The following NOS1 variants were observed in gnomAD, a reference collection of about 807,000 sequenced individuals.
NOS1 encodes nitric oxide synthase 1, also known as NOS type I.
A neutral mutation model predicts 164.5 loss-of-function variants in NOS1; 51 were observed. The observed-to-expected ratio is 0.31, with a 90% CI of 0.25 to 0.39. The LOEUF is 0.39. NOS1 is among the 10% of genes least tolerant of loss of function. NOS1 has a pLI of 1.00. For missense variants in NOS1, 1,362 were observed against 1,885.6 expected (o/e 0.72, Z 5.14); for synonymous variants, 719 against 745.8 (o/e 0.96, Z 0.59).
chr12:117,231,901 C>A lies in NOS1; in HGVS notation c.3405+61G>T, dbSNP rs1869264126. The A allele has an allele frequency of 5.3e-6, 8 of 1,516,910 alleles. No homozygotes were observed. The Admixed American group carries it at 1.6e-4, about 30-fold the overall frequency. 94.0% of individuals were successfully genotyped at this position (1,516,910 alleles called of 1,614,324 possible). A position where few individuals can be genotyped will look rare whatever the true frequency, so the allele number is the denominator to read the frequency against. ...GAAGCCTGGTAATAACAGTTTTCAA[C>A]TCTTTAATGACGAGGAGGTGAAATG... On this transcript the variant is annotated intron_variant, in intron 22 of 28. Transcript: ENST00000317775.
chr12:117,247,435 T>C lies in NOS1; in HGVS notation c.2736A>G (p.Gly912=). 6.2e-7 allele frequency: 1 copy of C among 1,612,964 alleles called. No individual in the cohort carries two copies. The highest frequency in any genetic ancestry group is 1.1e-5 in the South Asian group (1 of 90,810). Residue 912 remains glycine, a synonymous_variant, in exon 18 of 29, where the codon GGA becomes GGG. Transcript: ENST00000317775. ...HAVDTLLEEL[G]GERILKMREG... ...CCCTCATCTTCAGGATCCTCTCCCC[T>C]CCCAGTTCTTCCAGGAGGGTGTCCA...
At chr12:117,244,131 A>T (rs1870430220) in intron 18 of NOS1, among the ~76,000 whole-genome samples, 1 of 152,190 alleles carries the variant, frequency 6.6e-6, no homozygotes, top group Non-Finnish European at 1.5e-5. Context: ...TTTAAGAATT[A>T]CATAAAGGCA....
intron 1 of NOS1, among the ~76,000 whole-genome samples, chr12:117,334,695 G>A (rs905701482): frequency 7.2e-5 from 11 of 152,002 alleles, no homozygotes; most frequent in African/African-American, 2.4e-4. Context: ...GCACCTGGCC[G>A]TCAATCATTA....
intron 17 of NOS1, among the ~76,000 whole-genome samples, chr12:117,247,968 A>G (rs1232727031): frequency 6.6e-6 from 1 of 150,796 alleles, no homozygotes; most frequent in African/African-American, 2.4e-5. Flanking sequence ...AAAGAAAAGA[A>G]AAAGAAAAGG....
chr12:117,337,417 C>T (rs914175192), intron 1 of NOS1, among the ~76,000 whole-genome samples: 19 of 151,912 alleles, frequency 1.3e-4, no homozygotes, highest in African/African-American at 4.6e-4. Flanking sequence ...TGCCCGGCCG[C>T]GCTTTTTACT....
intron 25 of NOS1, 127 bp from the exon 26 acceptor site, chr12:117,222,990 G>T: frequency 9.3e-7 from 1 of 1,078,034 alleles, no homozygotes; most frequent in Non-Finnish European, 1.4e-6. Context: ...CAAACACTAG[G>T]ACAGGCAGAT....
chr12:117,214,142 C>G lies in NOS1; in HGVS notation c.*1167G>C. 1.0e-6 allele frequency: 1 copy of G among 985,438 alleles called. No homozygotes were observed. Among genetic ancestry groups the G allele is most frequent in the Non-Finnish European group, 1.2e-6 (1 of 829,934 alleles). 61.0% of individuals were successfully genotyped at this position (985,438 alleles called of 1,614,324 possible). ...CTCTTTCCAACCTCATCCACTTTAA[C>G]CAGCTTCCATTATTTCATCCCCAAG... On this transcript the variant is annotated 3_prime_UTR_variant, in exon 29 of 29. Transcript: ENST00000317775.
chr12:117,247,550 G>A (rs549729995), intron 17 of NOS1, 28 bp from the exon 18 acceptor site: 5 of 1,587,056 alleles, frequency 3.2e-6, no homozygotes, highest in African/African-American at 2.7e-5. Context: ...GAATGTTCAT[G>A]CTAAGGGACT....
chr12:117,241,493 C>T (rs1870176866), intron 20 of NOS1, among the ~76,000 whole-genome samples: 2 of 151,340 alleles, frequency 1.3e-5, no homozygotes, highest in South Asian at 4.2e-4. Context: ...TTGTGGGTGG[C>T]ACCTGGGAGC....
intron 9 of NOS1, among the ~76,000 whole-genome samples, chr12:117,275,728 G>A (rs1193276903): frequency 6.6e-6 from 1 of 152,092 alleles, no homozygotes; most frequent in Non-Finnish European, 1.5e-5. Context: ...TACATTATAT[G>A]TATTAAAACA....
chr12:117,293,717 TTATTATTACTTA>T (rs1389083132), intron 3 of NOS1, among the ~76,000 whole-genome samples: 4 of 151,514 alleles, frequency 2.6e-5, no homozygotes, highest in Non-Finnish European at 4.4e-5. Flanking sequence ...ATTACTTGTA[TTATTATTACTTA>T]TATTATTACT....
At chr12:117,285,975 T>G in intron 6 of NOS1, 129 bp downstream of exon 6, 1 of 970,724 alleles carries the variant, frequency 1.0e-6, no homozygotes, top group South Asian at 1.7e-5. Context: ...CCCGTGACCA[T>G]CATCTGATAG....
chr12:117,332,159 G>A (rs1375381427), intron 1 of NOS1, among the ~76,000 whole-genome samples: 1 of 152,202 alleles, frequency 6.6e-6, no homozygotes, highest in Non-Finnish European at 1.5e-5. Context: ...TGGAGAAGGG[G>A]AAACATAGGA....
chr12:117,312,095 A>G (rs1191750227), intron 2 of NOS1, among the ~76,000 whole-genome samples: 1 of 152,228 alleles, frequency 6.6e-6, no homozygotes, highest in Admixed American at 6.5e-5. Flanking sequence ...TTTGAACAAT[A>G]GCAGCTCAGG....
intron 1 of NOS1, among the ~76,000 whole-genome samples, chr12:117,334,106 T>C (rs998638808): frequency 1.8e-4 from 28 of 152,198 alleles, no homozygotes; most frequent in African/African-American, 6.8e-4. Flanking sequence ...TGTACTTTGC[T>C]TAAGGAAAAA....
At position 117,330,472 on chromosome 12, in the gene NOS1, C is replaced by T. The variant is rs762024638; in HGVS notation, c.598G>A (p.Gly200Arg). ...TCCTTGAGCAGTTCATTGTTCTCCC[C>T]TCTGCCTTGGAGGCTGACTCTGGTT... ...KATRVSLQGR[G>R]ENNELLKEIE... The change falls in exon 2 of 29, where the codon GGG becomes AGG. Residue 200 changes from glycine to arginine, a missense_variant. Transcript: ENST00000317775. This position sits in a 1 kb window ranked among gnomAD's most constrained non-coding sequence, Gnocchi z 4.6. 1 of 1,614,228 alleles carries T rather than the reference C, an allele frequency of 6.2e-7. No individual in the cohort carries two copies. The highest frequency in any genetic ancestry group is 8.5e-7 in the Non-Finnish European group (1 of 1,180,044).
chr12:117,216,625 C>T (rs776584178), intron 28 of NOS1, among the ~76,000 whole-genome samples: 8 of 152,006 alleles, frequency 5.3e-5, no homozygotes, highest in African/African-American at 2.4e-5. Flanking sequence ...ACCACAGGCG[C>T]GTGTCACCAT....
At chr12:117,224,728 A>G (rs1868500326) in intron 25 of NOS1, among the ~76,000 whole-genome samples, 1 of 152,258 alleles carries the variant, frequency 6.6e-6, no homozygotes, top group African/African-American at 2.4e-5. Context: ...CCATTTGATA[A>G]GGACTAATGC....
intron 4 of NOS1, among the ~76,000 whole-genome samples, chr12:117,289,337 T>A (rs1872898976): frequency 2.6e-5 from 4 of 152,144 alleles, no homozygotes; most frequent in Admixed American, 1.3e-4. Context: ...AGAGTGAGAA[T>A]CCACCAGTGG....
Sources: gnomAD v4.1 joint callset for allele counts (sites outside exome capture counted in the v4.1 genomes callset) on GRCh38, gnomAD v4.1.1 for gene constraint, Gnocchi (gnomAD v3.1) non-coding constraint, MANE v1.5 for transcripts, NCBI Gene and HGNC (gene_info 2026-07-23, HGNC 2026-07-21) for gene names.